Variants in SORL1 observed in about 807,000 individuals in gnomAD.
SORL1 encodes the protein sortilin-related receptor.
In SORL1, 127 loss-of-function variants were observed where a neutral mutation model predicts 273.7. The ratio of observed to expected loss-of-function variants is 0.46; its 90% CI spans 0.40 to 0.54. The LOEUF is 0.54. SORL1 is among the 20% of genes least tolerant of loss of function. The pLI is 0.00. For synonymous variants in SORL1, 1,031 were observed against 1,067.4 expected (o/e 0.97, Z 0.66); for missense variants, 2,494 against 2,846.1 (o/e 0.88, Z 2.81).
chr11:121,571,525 C>T (rs1240320255), intron 23 of SORL1, among the ~76,000 whole-genome samples: 1 of 152,230 alleles, frequency 6.6e-6, no homozygotes, highest in Non-Finnish European at 1.5e-5. Flanking sequence ...AAGTCAGAGG[C>T]TTCTCTTTTA....
intron 11 of SORL1, among the ~76,000 whole-genome samples, chr11:121,527,075 C>G (rs141267856): frequency 8.4e-4 from 128 of 152,134 alleles, no homozygotes; most frequent in Middle Eastern, 3.4e-3. Context: ...TGAAAGTGGG[C>G]ATTCTTGCCT....
chr11:121,495,525 T>C (rs1438196258), intron 5 of SORL1, among the ~76,000 whole-genome samples: 1 of 152,214 alleles, frequency 6.6e-6, no homozygotes, highest in African/African-American at 2.4e-5. Context: ...ATCATGCATA[T>C]GGGATTGTAT....
At chr11:121,514,661 A>G (rs1016694798) in intron 8 of SORL1, among the ~76,000 whole-genome samples, 6 of 152,184 alleles carry the variant, frequency 3.9e-5, no homozygotes, top group African/African-American at 1.4e-4. Context: ...GAGCAGTGAA[A>G]AACAGCACTT....
intron 1 of SORL1, among the ~76,000 whole-genome samples, chr11:121,468,485 A>G (rs1016778204): frequency 6.6e-6 from 1 of 152,060 alleles, no homozygotes; most frequent in South Asian, 2.1e-4. Flanking sequence ...TGGTAGCTCA[A>G]CCTTGGCTCA....
At chr11:121,472,545 C>G (rs1861187112) in intron 2 of SORL1, among the ~76,000 whole-genome samples, 1 of 152,166 alleles carries the variant, frequency 6.6e-6, no homozygotes, top group South Asian at 2.1e-4. Context: ...GCACTAAAAG[C>G]CCCACATCCT....
intron 38 of SORL1, 105 bp from the exon 39 acceptor site, chr11:121,610,971 C>T (rs1215114495): frequency 5.3e-6 from 4 of 751,944 alleles, no homozygotes; most frequent in Non-Finnish European, 9.3e-6. Context: ...CCCTTTCTTC[C>T]CCGACTGAAA....
chr11:121,489,593 T>C (rs1861521584), intron 4 of SORL1, among the ~76,000 whole-genome samples: 1 of 152,250 alleles, frequency 6.6e-6, no homozygotes, highest in Admixed American at 6.5e-5. Flanking sequence ...ATTGTATGCA[T>C]AGACCACATT....
Position 121,550,464 on chromosome 11 carries a change from C to T in SORL1, c.2181-121C>T. Reference sequence around the variant, plus strand: ...AACTACGAACATCCTCTTTCTAGTTCTAAAGAGAAATGAGTGGATGGACTC... The same window carrying T: ...AACTACGAACATCCTCTTTCTAGTTTTAAAGAGAAATGAGTGGATGGACTC... On this transcript the variant is annotated intron_variant, in intron 15 of 47. Coordinates refer to ENST00000260197, the MANE Select transcript of SORL1 (RefSeq NM_003105.6). The surrounding 1 kb of genome is among the most constrained non-coding windows in gnomAD (Gnocchi z 5.3). 1.2e-6 allele frequency: 1 copy of T among 841,266 alleles called. No homozygotes were observed. Among genetic ancestry groups the T allele is most frequent in the East Asian group, 2.6e-5 (1 of 38,076 alleles). The allele number at this position is 841,266 out of a possible 1,614,324, so 52.1% of individuals were successfully genotyped here. A position where few individuals can be genotyped will look rare whatever the true frequency, so the allele number is the denominator to read the frequency against.
intron 1 of SORL1, among the ~76,000 whole-genome samples, chr11:121,457,319 G>C (rs956565643): frequency 1.7e-4 from 26 of 152,154 alleles, no homozygotes; most frequent in African/African-American, 6.3e-4. Flanking sequence ...AACAAAATTT[G>C]TACAAAAGCG....
At chr11:121,548,096 C>T (rs1201445382) in intron 14 of SORL1, among the ~76,000 whole-genome samples, 1 of 152,160 alleles carries the variant, frequency 6.6e-6, no homozygotes, top group East Asian at 1.9e-4. Context: ...TCTCTTATGA[C>T]CCTGTACTTA....
At chr11:121,535,634 A>G (rs1862256527) in intron 12 of SORL1, among the ~76,000 whole-genome samples, 1 of 150,938 alleles carries the variant, frequency 6.6e-6, no homozygotes, top group Admixed American at 6.6e-5. Flanking sequence ...TGTAGTGGGG[A>G]CAGCAATTGA....
In SORL1 at chr11:121,492,326, A is replaced by G. The variant is rs368829055; in HGVS notation, c.758+2216A>G. ...CAGTGAGCTGAGATTGCGTCACTGC[A>G]CTCCAGCCTGTGCGACAGACCAAGA... On this transcript the variant is annotated intron_variant, in intron 5 of 47. Coordinates refer to ENST00000260197, the MANE Select transcript of SORL1 (RefSeq NM_003105.6). 7.8e-4 allele frequency among the ~76,000 whole-genome samples: 119 copies of G among 152,206 alleles called. 1 individual carries two copies. The South Asian group carries it at 0.02, about 25-fold the overall frequency.
intron 12 of SORL1, among the ~76,000 whole-genome samples, chr11:121,533,248 G>A (rs1029157327): frequency 6.6e-5 from 10 of 152,190 alleles, no homozygotes; most frequent in Admixed American, 6.5e-4. Flanking sequence ...AGGTTGGTGG[G>A]GGGTCTCATG....
chr11:121,515,436 G>C (rs1390297350), intron 8 of SORL1, among the ~76,000 whole-genome samples: 1 of 152,108 alleles, frequency 6.6e-6, no homozygotes, highest in African/African-American at 2.4e-5. Context: ...AGACCCCTGG[G>C]GGAGTAGCGC....
At chr11:121,486,463 ACT>A (rs1264788317) in intron 3 of SORL1, among the ~76,000 whole-genome samples, 1 of 146,938 alleles carries the variant, frequency 6.8e-6, no homozygotes, top group Non-Finnish European at 1.5e-5. Flanking sequence ...ACATGGTGAG[ACT>A]CTGTTTCTTT....
intron 7 of SORL1, 113 bp from the exon 8 acceptor site, chr11:121,514,039 A>G (rs1347299960): frequency 8.3e-7 from 1 of 1,208,458 alleles, no homozygotes; most frequent in East Asian, 2.5e-5. Flanking sequence ...CGTGGGCTTT[A>G]GGCCAACATT....
chr11:121,558,255 T>G (rs115424342), intron 19 of SORL1, among the ~76,000 whole-genome samples: 21 of 152,372 alleles, frequency 1.4e-4, no homozygotes, highest in African/African-American at 4.8e-4. Flanking sequence ...TGTGTGAGCA[T>G]ATATAGATTT....
At chr11:121,618,314 C>T (rs1863668605) in intron 41 of SORL1, among the ~76,000 whole-genome samples, 1 of 152,172 alleles carries the variant, frequency 6.6e-6, no homozygotes, top group African/African-American at 2.4e-5. Flanking sequence ...CCACATACTT[C>T]CTGGGGTGTT....
chr11:121,558,803 A>G lies in SORL1; in HGVS notation c.2876A>G (p.Asn959Ser). The G allele has an allele frequency of 6.2e-7, 1 of 1,613,728 alleles. No homozygotes were observed. The highest frequency in any genetic ancestry group is 8.5e-7 in the Non-Finnish European group (1 of 1,179,936). ...SGQQRSVILDNLPHPYAIAVF... is the reference protein window; with the variant it reads ...SGQQRSVILDSLPHPYAIAVF... ...CAGCAGCGCTCTGTCATTCTGGACA[A>G]CCTCCCGCACCCCTATGCCATTGCT... is the stretch of plus-strand genomic sequence containing the variant. The change falls in exon 20 of 48, where the codon AAC becomes AGC. Residue 959 changes from asparagine (N) to serine (S), a missense_variant. Asn to Ser is a conservative substitution (Grantham distance 46). Around this residue, in one of 3 missense-constraint regions of SORL1, gnomAD observed 1,609 missense variants for 1,816.4 expected, o/e 0.89. Transcript: ENST00000260197.
Sources: allele counts gnomAD v4.1 joint callset (sites outside exome capture counted in the v4.1 genomes callset), GRCh38; gene constraint gnomAD v4.1.1; regional missense constraint gnomAD v4.1.1; non-coding constraint Gnocchi (gnomAD v3.1); transcripts MANE v1.5; gene names NCBI Gene and HGNC (gene_info 2026-07-23, HGNC 2026-07-21).